Variants in ABCC10 observed in about 807,000 individuals in gnomAD.
ABCC10 encodes ATP-binding cassette sub-family C member 10.
A neutral mutation model predicts 143.2 loss-of-function variants in ABCC10; 110 were observed. That is an observed-to-expected ratio of 0.77 (90% CI 0.66 to 0.90). The LOEUF (loss-of-function observed/expected upper bound fraction) is 0.90, where lower values mean the gene tolerates loss of function less well. Among genes scored for constraint, ABCC10 ranks in the 40% least tolerant of loss-of-function variants. The pLI is 0.00. For synonymous variants in ABCC10, 805 were observed against 846.7 expected, an observed-to-expected ratio of 0.95 and a Z score of 0.85; for missense variants, 1,700 against 1,900.5, an observed-to-expected ratio of 0.89 and a Z score of 1.96.
intron 16 of ABCC10, 183 bp downstream of exon 16, chr6:43,446,629 G>A (rs1783114100): frequency 3.0e-6 from 3 of 985,238 alleles, no homozygotes; most frequent in East Asian, 1.1e-4. Context: ...GGAGGGACTT[G>A]CCCAGGTGGT....
intron 15 of ABCC10, 24 bp downstream of exon 15, chr6:43,445,966 G>T (rs751442092): frequency 1.9e-6 from 3 of 1,598,310 alleles, no homozygotes; most frequent in South Asian, 2.2e-5. Flanking sequence ...AGCCCAGGGG[G>T]ATGAGGTGTT....
In ABCC10 at chr6:43,427,634, C is replaced by CCT; in HGVS notation, c.-135_-134insCT. On this transcript the variant is annotated 5_prime_UTR_variant, in exon 1 of 22. Coordinates refer to ENST00000372530, the MANE Select transcript of ABCC10 (RefSeq NM_001198934.2). ...GGCCCAGCACCCCGGCCGGGCAGTA[C>CCT]TTTTTTTTTTTTTGCATACACCAGT... is the stretch of plus-strand genomic sequence containing the variant. 5.1e-5 allele frequency: 16 copies of CCT among 314,394 alleles called. No individual in the cohort carries two copies. The highest frequency in any genetic ancestry group is 8.4e-5 in the Non-Finnish European group (14 of 165,790). 19.5% of individuals were successfully genotyped at this position (314,394 alleles called of 1,614,324 possible).
At chr6:43,434,150 A>G (rs831313) in intron 3 of ABCC10, among the ~76,000 whole-genome samples, 135,927 of 152,368 alleles carry the variant, frequency 0.89, 60,748 homozygotes, top group East Asian at 0.95. Flanking sequence ...CCTGGGCTGT[A>G]GTGTGGCCTC....
chr6:43,438,674 C>G lies in ABCC10; in HGVS notation c.2006C>G (p.Ala669Gly), dbSNP rs1226681589. ...VRGLSKGFGL[A>G]TQEPWIQFAT... The stretch of plus-strand genomic sequence containing the variant: ...GGGCTGTCCAAGGGCTTTGGCCTGG[C>G]CACCCAGGAACCCTGGATCCAGTTT... Residue 669 changes from alanine to glycine, a missense_variant, in exon 8 of 22, where the codon GCC (alanine) becomes GGC (glycine). Transcript: ENST00000372530. 1.9e-6 allele frequency: 3 copies of G among 1,614,190 alleles called. No individual in the cohort carries two copies. The highest frequency in any genetic ancestry group is 2.2e-5 in the East Asian group (1 of 44,884).
At chr6:43,433,696 G>A (rs1440830922) in intron 3 of ABCC10, among the ~76,000 whole-genome samples, 1 of 152,190 alleles carries the variant, frequency 6.6e-6, no homozygotes, top group Non-Finnish European at 1.5e-5. Context: ...ACCCTGGGAG[G>A]TAGGAAGTCA....
At chr6:43,436,431 CAGA>C (rs1168541942) in intron 6 of ABCC10, among the ~76,000 whole-genome samples, 184 bp downstream of exon 6, 2 of 152,168 alleles carry the variant, frequency 1.3e-5, no homozygotes, top group African/African-American at 2.4e-5. Flanking sequence ...ATCTGAATCT[CAGA>C]ATAGTTGCAC....
At position 43,427,543 on chromosome 6, in the gene ABCC10, C is replaced by G. The variant is rs548850526; in HGVS notation, c.-226C>G. On this transcript the variant is annotated 5_prime_UTR_variant, in exon 1 of 22. Transcript: ENST00000372530. Reference sequence around the variant, plus strand: ...CAGTGCACATGCGTGCAGCTACCAGCATATGGGCGTGGCGAATAGCGCCGG... The same window carrying G: ...CAGTGCACATGCGTGCAGCTACCAGGATATGGGCGTGGCGAATAGCGCCGG... The G allele has an allele frequency of 3.4e-6, 1 of 291,588 alleles. No homozygotes were observed. The highest frequency in any genetic ancestry group is 5.1e-5 in the Admixed American group (1 of 19,760). 18.1% of individuals were successfully genotyped at this position (291,588 alleles called of 1,614,324 possible). A position where few individuals can be genotyped will look rare whatever the true frequency, so the allele number is the denominator to read the frequency against.
At position 43,435,848 on chromosome 6, in the gene ABCC10, A is replaced by C. The variant is rs781225447; in HGVS notation, c.1706A>C (p.Asp569Ala). The change falls in exon 5 of 22, where the codon GAC becomes GCC. Residue 569 changes from aspartate to alanine, a missense_variant. Physicochemically the swap from Asp to Ala is moderately radical, Grantham distance 126. Coordinates refer to ENST00000372530, the MANE Select transcript of ABCC10 (RefSeq NM_001198934.2). ...NGLLEAKVSL[D>A]RIQLFLDLPN... ...CTCCTGGAGGCCAAAGTGTCCTTGGACCGGATCCAGCTTTTCCTCGACCTT... is the reference window on the plus strand; with the variant it reads ...CTCCTGGAGGCCAAAGTGTCCTTGGCCCGGATCCAGCTTTTCCTCGACCTT... 1.9e-6 allele frequency: 3 copies of C among 1,613,990 alleles called. No individual in the cohort carries two copies. The highest frequency in any genetic ancestry group is 2.5e-6 in the Non-Finnish European group (3 of 1,180,044).
chr6:43,432,280 A>G lies in ABCC10; in HGVS notation c.300A>G (p.Leu100=), dbSNP rs748193002. ...PPGAGPGPIG[L]EVLAGCVAAV... is the part of the protein sequence containing the mutation. ...GGGCAGGCCCAGGACCCATAGGGCT[A>G]GAGGTGTTGGCAGGGTGCGTGGCAG... Residue 100 remains leucine, a synonymous_variant, in exon 3 of 22, where the codon CTA becomes CTG. Transcript: ENST00000372530. The G allele has an allele frequency of 2.5e-5, 41 of 1,614,204 alleles. No homozygotes were observed. Among genetic ancestry groups the G allele is most frequent in the Non-Finnish European group, 3.4e-5 (40 of 1,180,028 alleles).
At chr6:43,429,846 T>C (rs917296014) in intron 2 of ABCC10, among the ~76,000 whole-genome samples, 17 of 152,272 alleles carry the variant, frequency 1.1e-4, no homozygotes, top group African/African-American at 3.4e-4. Flanking sequence ...TGAAACCCCA[T>C]CTTGAATCGC....
chr6:43,435,394 G>T (rs751417925), intron 4 of ABCC10, among the ~76,000 whole-genome samples: 1 of 152,148 alleles, frequency 6.6e-6, no homozygotes, highest in African/African-American at 2.4e-5. Flanking sequence ...TTAACCAGGT[G>T]TGGTGATGCA....
rs767165506 is a variant in ABCC10, at chr6:43,428,091, C to T, written c.113C>T (p.Pro38Leu). Residue 38 changes from proline (P) to leucine (L), a missense_variant, in exon 2 of 22, where the codon CCC becomes CTC. Transcript: ENST00000372530. ...CFTQLVLSAL[P>L]HALLAVLSAC... ...ACCCAGCTGGTGCTCAGCGCCCTGCCCCACGCGCTCCTCGCCGTGCTCAGT... is the reference window on the plus strand; with the variant it reads ...ACCCAGCTGGTGCTCAGCGCCCTGCTCCACGCGCTCCTCGCCGTGCTCAGT... 6.4e-7 allele frequency: 1 copy of T among 1,559,554 alleles called. No homozygotes were observed. The highest frequency in any genetic ancestry group is 8.7e-7 in the Non-Finnish European group (1 of 1,153,734).
In ABCC10 at chr6:43,433,353, G is replaced by A. The variant is rs779457453; in HGVS notation, c.1373G>A (p.Arg458Gln). 6 of 1,607,244 alleles carry A rather than the reference G, an allele frequency of 3.7e-6. No individual in the cohort carries two copies. The highest frequency in any genetic ancestry group is 2.2e-5 in the East Asian group (1 of 44,740). Residue 458 changes from arginine to glutamine, a missense_variant, in exon 3 of 22, where the codon CGG (arginine) becomes CAG (glutamine). Transcript: ENST00000372530. ...NQEMLQHKDA[R>Q]VKLVTELLSG... is the part of the protein sequence containing the mutation. ...GAAATGCTACAGCACAAGGATGCGC[G>A]GGTTAAGGTGAGCGGGTACTTGGGG...
intron 6 of ABCC10, 80 bp from the exon 7 acceptor site, chr6:43,437,854 C>T: frequency 7.0e-7 from 1 of 1,418,748 alleles, no homozygotes; most frequent in Non-Finnish European, 9.8e-7. Context: ...GACTGGCAGC[C>T]CAGAGTGTCA....
At chr6:43,440,735 A>ATGTG (rs1214345536) in intron 8 of ABCC10, among the ~76,000 whole-genome samples, 1 of 151,804 alleles carries the variant, frequency 6.6e-6, no homozygotes. Flanking sequence ...GGTCGTGGGC[A>ATGTG]CCTGTAATCC....
In ABCC10 at chr6:43,445,762, C is replaced by T. The variant is rs760291868; in HGVS notation, c.3194C>T (p.Pro1065Leu). 2 of 1,614,004 alleles carry T rather than the reference C, an allele frequency of 1.2e-6. No homozygotes were observed. Among genetic ancestry groups the T allele is most frequent in the South Asian group, 2.2e-5 (2 of 91,086 alleles). ...GLLAVLGSGLPWLLLLLPPLS... is the reference protein window; with the variant it reads ...GLLAVLGSGLLWLLLLLPPLS... ...CTGGCCGTGCTGGGCTCTGGCCTGC[C>T]CTGGCTGCTGCTCCTGCTGCCGCCT... Residue 1065 changes from proline to leucine, a missense_variant, in exon 15 of 22, where the codon CCC (proline) becomes CTC (leucine). Transcript: ENST00000372530.
In ABCC10 at chr6:43,432,614, G is replaced by T. The variant is rs1781257702; in HGVS notation, c.634G>T (p.Glu212Ter). 4.3e-6 allele frequency: 7 copies of T among 1,613,904 alleles called. No individual in the cohort carries two copies. In the East Asian group the frequency reaches 1.6e-4, roughly 36 times the overall value. ...EPLLPEDQEP[E>*]VAEDGESWLS... ...CCTCCTGCCCGAGGATCAAGAACCT[G>T]AGGTGGCTGAAGATGGGGAGAGTTG... Residue 212 changes from glutamate (E) to a stop codon, truncating the protein, a stop_gained, in exon 3 of 22, where the codon GAG becomes TAG. Transcript: ENST00000372530. LOFTEE classifies it high-confidence loss of function.
downstream of ABCC10, chr6:43,450,910 C>T (rs545420269): frequency 5.6e-6 from 9 of 1,614,180 alleles, no homozygotes; most frequent in African/African-American, 8.0e-5. This position sits in a 1 kb window ranked among gnomAD's most constrained non-coding sequence, Gnocchi z 4.5. Context: ...AGAGGGGTGT[C>T]CACTGTGGTT....
In ABCC10 at chr6:43,447,414, C is replaced by T. The variant is rs1259786940; in HGVS notation, c.3705+6C>T. The T allele has an allele frequency of 6.2e-7, 1 of 1,612,180 alleles. No individual in the cohort carries two copies. Among genetic ancestry groups the T allele is most frequent in the Non-Finnish European group, 8.5e-7 (1 of 1,179,486 alleles). On this transcript the variant is annotated splice_donor_region_variant and intron_variant, in intron 17 of 21. Transcript: ENST00000372530. ...CCCAGGGCCAGCCACTGCAGGTGGG[C>T]CTGTACCCCCACCCCAGGCCAAAGC...
Sources: allele counts gnomAD v4.1 joint callset (sites outside exome capture counted in the v4.1 genomes callset), GRCh38; gene constraint gnomAD v4.1.1; non-coding constraint Gnocchi (gnomAD v3.1); transcripts MANE v1.5; gene names NCBI Gene and HGNC (gene_info 2026-07-23, HGNC 2026-07-21).